Variants in NTM observed in about 807,000 individuals in gnomAD.
NTM encodes the protein neurotrimin.
NTM carries 13 observed loss-of-function variants against 42.1 expected under a neutral mutation model. The ratio of observed to expected loss-of-function variants is 0.31; its 90% confidence interval spans 0.20 to 0.49. The LOEUF (loss-of-function observed/expected upper bound fraction) is 0.49, where lower values mean the gene tolerates loss of function less well. NTM is among the 20% of genes least tolerant of loss of function. The probability of loss-of-function intolerance (pLI) is 0.99; values close to 1 mark genes in which losing one functional copy is unlikely to be tolerated. For missense variants in NTM, 373 were observed against 452.8 expected, an observed-to-expected ratio of 0.82 and a Z score of 1.60; for synonymous variants, 187 against 179.2, an observed-to-expected ratio of 1.04 and a Z score of -0.35.
chr11:131,933,494 A>G (rs1050691188), intron 2 of NTM, among the ~76,000 whole-genome samples: 2 of 152,084 alleles, frequency 1.3e-5, no homozygotes, highest in African/African-American at 4.8e-5. Flanking sequence ...TACGAAACGC[A>G]CTGTTTTCCA....
Position 131,532,184 on chromosome 11 carries a change from T to A in NTM, c.82+161296T>A, listed in dbSNP as rs532836907. The stretch of plus-strand genomic sequence containing the variant: ...TTACAACCATCTCCAGAATTTTTTT[T>A]AAATCATCCCAAACAGAAAATACAT... On this transcript the variant is annotated intron_variant, in intron 1 of 8. Transcript: ENST00000683400. Among the ~76,000 whole-genome samples, 6 of 152,270 alleles carry A rather than the reference T, an allele frequency of 3.9e-5. No homozygotes were observed. The South Asian group carries it at 8.3e-4, about 21-fold the overall frequency.
At chr11:131,952,223 C>A (rs1413535271) in intron 2 of NTM, among the ~76,000 whole-genome samples, 1 of 152,082 alleles carries the variant, frequency 6.6e-6, no homozygotes, top group Non-Finnish European at 1.5e-5. Context: ...CTCTGAGCAC[C>A]CTTCACCCTT....
chr11:131,972,042 C>CAAAAAAAAAAAAAAAAAAAAAAAAA (rs61627120), intron 2 of NTM, among the ~76,000 whole-genome samples: 1 of 57,832 alleles, frequency 1.7e-5, no homozygotes, highest in African/African-American at 6.8e-5. Flanking sequence ...GACTCCGTCT[C>CAAAAAAAAAAAAAAAAAAAAAAAAA]AAAAAAAAAA....
At chr11:131,781,512 T>C (rs1352111304) in intron 1 of NTM, among the ~76,000 whole-genome samples, 1 of 152,192 alleles carries the variant, frequency 6.6e-6, no homozygotes, top group Non-Finnish European at 1.5e-5. Flanking sequence ...TATACTAATT[T>C]ATTATTGTTA....
chr11:131,961,957 A>G (rs1028828145), intron 2 of NTM, among the ~76,000 whole-genome samples: 10 of 152,044 alleles, frequency 6.6e-5, no homozygotes, highest in African/African-American at 2.2e-4. Flanking sequence ...CCATGCACCA[A>G]TGGTGTCCAT....
intron 1 of NTM, among the ~76,000 whole-genome samples, chr11:131,725,729 G>T (rs1342654561): frequency 6.6e-6 from 1 of 152,172 alleles, no homozygotes; most frequent in African/African-American, 2.4e-5. Context: ...TTAGCTCTTC[G>T]TTAGGAGTGA....
chr11:132,320,434 G>A (rs942173316), intron 7 of NTM, among the ~76,000 whole-genome samples: 4 of 152,166 alleles, frequency 2.6e-5, no homozygotes, highest in African/African-American at 9.6e-5. Context: ...CTGGAAAATC[G>A]GGTCACTCCC....
chr11:132,007,617 C>T (rs1378489771), intron 2 of NTM, among the ~76,000 whole-genome samples: 1 of 152,178 alleles, frequency 6.6e-6, no homozygotes, highest in Non-Finnish European at 1.5e-5. Flanking sequence ...ATCATAAGTG[C>T]ATCAGAGAAG....
chr11:132,317,520 CT>C (rs890121163), intron 7 of NTM: 68 of 389,350 alleles, frequency 1.7e-4, no homozygotes, highest in South Asian at 2.4e-4. Flanking sequence ...TTCTGTCTTC[CT>C]TTTTTTTATA....
chr11:131,781,004 A>G (rs964612421), intron 1 of NTM, among the ~76,000 whole-genome samples: 3 of 152,232 alleles, frequency 2.0e-5, no homozygotes, highest in Admixed American at 1.3e-4. Flanking sequence ...AAAAAATTAT[A>G]CTACAGAAAC....
intron 3 of NTM, among the ~76,000 whole-genome samples, chr11:132,168,658 A>G (rs1470900822): frequency 6.6e-6 from 1 of 152,122 alleles, no homozygotes; most frequent in Non-Finnish European, 1.5e-5. Flanking sequence ...GCATTATTAA[A>G]CCTTAAGTCC....
chr11:131,972,595 T>C (rs1173323359), intron 2 of NTM, among the ~76,000 whole-genome samples: 1 of 152,186 alleles, frequency 6.6e-6, no homozygotes, highest in Non-Finnish European at 1.5e-5. Context: ...ACTGTTTTCA[T>C]ATGTTGGGTT....
intron 1 of NTM, among the ~76,000 whole-genome samples, chr11:131,852,506 C>A (rs2045662871): frequency 6.6e-6 from 1 of 152,120 alleles, no homozygotes; most frequent in South Asian, 2.1e-4. Context: ...AGTAAATGAA[C>A]TTTGAGAGAA....
At chr11:132,066,258 T>C (rs1283541476) in intron 2 of NTM, among the ~76,000 whole-genome samples, 3 of 152,232 alleles carry the variant, frequency 2.0e-5, no homozygotes, top group Non-Finnish European at 4.4e-5. Context: ...CTCTGCTCTC[T>C]GTGAATCTTT....
intron 2 of NTM, among the ~76,000 whole-genome samples, chr11:132,125,637 T>C (rs566530920): frequency 2.5e-5 from 1 of 40,742 alleles, no homozygotes; most frequent in Non-Finnish European, 5.2e-5. Context: ...GTATGTGGTA[T>C]GTGTGTCATG....
chr11:131,920,698 T>A (rs951923027), intron 2 of NTM, among the ~76,000 whole-genome samples: 1 of 152,180 alleles, frequency 6.6e-6, no homozygotes, highest in Non-Finnish European at 1.5e-5. Flanking sequence ...GGGGTTAGAT[T>A]TGTCTTATAA....
At chr11:131,712,151 AAAAAAAT>A (rs1565457160) in intron 1 of NTM, among the ~76,000 whole-genome samples, 2 of 147,766 alleles carry the variant, frequency 1.4e-5, no homozygotes, top group African/African-American at 5.0e-5. Context: ...AATAAAAAAT[AAAAAAAT>A]AAAAATTAAA....
intron 2 of NTM, among the ~76,000 whole-genome samples, chr11:131,954,822 T>C (rs1433257597): frequency 1.3e-5 from 2 of 152,240 alleles, no homozygotes; most frequent in Non-Finnish European, 2.9e-5. Context: ...AAAAAATGAA[T>C]TCAATCTTTT....
intron 1 of NTM, among the ~76,000 whole-genome samples, chr11:131,899,620 T>C (rs1383241973): frequency 4.6e-5 from 7 of 152,230 alleles, no homozygotes; most frequent in African/African-American, 9.6e-5. Flanking sequence ...GTTACAGATA[T>C]ATAGCAGATG....
Sources: allele counts gnomAD v4.1 joint callset (sites outside exome capture counted in the v4.1 genomes callset), GRCh38; gene constraint gnomAD v4.1.1; transcripts MANE v1.5; gene names NCBI Gene and HGNC (gene_info 2026-07-23, HGNC 2026-07-21).